Variants in IRF2 observed in about 807,000 individuals in gnomAD.
IRF2 encodes interferon regulatory factor 2.
In IRF2, 15 loss-of-function variants were observed where a neutral mutation model predicts 40.6. The observed-to-expected ratio is 0.37, with a 90% CI of 0.25 to 0.57. IRF2 has a LOEUF of 0.57. Ranked by LOEUF, IRF2 falls within the 20% of genes least tolerant of loss-of-function variation. The pLI, the probability that IRF2 is intolerant of heterozygous loss-of-function variation, is 0.77. For missense variants in IRF2, 317 were observed against 455.7 expected (o/e 0.70, Z 2.77); for synonymous variants, 151 against 165.5 (o/e 0.91, Z 0.67).
chr4:184,428,786 G>A (rs976359220), intron 2 of IRF2, 192 bp downstream of exon 2: 2 of 600,628 alleles, frequency 3.3e-6, no homozygotes, highest in South Asian at 1.7e-5. Flanking sequence ...GCCATATAGT[G>A]AGACCCTGTC....
At chr4:184,397,343 A>G (rs1736504284) in intron 7 of IRF2, among the ~76,000 whole-genome samples, 1 of 152,140 alleles carries the variant, frequency 6.6e-6, no homozygotes, top group Non-Finnish European at 1.5e-5. Context: ...GGGGTGGAGG[A>G]GGGAAAAGAG....
intron 8 of IRF2, among the ~76,000 whole-genome samples, chr4:184,389,784 A>G (rs1164793741): frequency 6.6e-6 from 1 of 152,148 alleles, no homozygotes; most frequent in Non-Finnish European, 1.5e-5. Flanking sequence ...CGGTCCCTCA[A>G]TGCTGGCCCA....
chr4:184,457,372 C>T (rs887545201), intron 1 of IRF2, among the ~76,000 whole-genome samples: 1 of 152,140 alleles, frequency 6.6e-6, no homozygotes, highest in East Asian at 1.9e-4. Context: ...TGACGTCACT[C>T]GGAAGACCTG....
chr4:184,432,689 G>T (rs1737930861), intron 1 of IRF2, among the ~76,000 whole-genome samples: 1 of 152,198 alleles, frequency 6.6e-6, no homozygotes, highest in Non-Finnish European at 1.5e-5. Flanking sequence ...TATAAGAAGA[G>T]GGAAGTGTGG....
intron 2 of IRF2, 148 bp from the exon 3 acceptor site, chr4:184,419,716 C>T: frequency 1.6e-6 from 1 of 614,954 alleles, no homozygotes; most frequent in Admixed American, 2.9e-5. Flanking sequence ...CTACTGTAAA[C>T]CAAACCCACT....
chr4:184,445,704 T>C (rs554032057), intron 1 of IRF2, among the ~76,000 whole-genome samples: 1 of 151,008 alleles, frequency 6.6e-6, no homozygotes, highest in Admixed American at 6.6e-5. Context: ...ATAGAGAACA[T>C]TCTTCTCAAA....
intron 7 of IRF2, 79 bp downstream of exon 7, chr4:184,398,836 G>A: frequency 1.5e-6 from 2 of 1,303,634 alleles, no homozygotes; most frequent in South Asian, 1.5e-5. Flanking sequence ...GCTCCGTGGG[G>A]TGGTGAGATG....
Position 184,388,616 on chromosome 4 carries a change from G to A in IRF2, c.*142C>T, listed in dbSNP as rs547540554. ...AAGAGAAGCTCCAGTACTGGAGTTG[G>A]ACACAGCAATCAATGTTCTATTGTC... On this transcript the variant is annotated 3_prime_UTR_variant, in exon 9 of 9. Transcript: ENST00000393593. The surrounding 1 kb of genome is among the most constrained non-coding windows in gnomAD (Gnocchi z 4.6). 3.6e-6 allele frequency: 3 copies of A among 832,496 alleles called. No individual in the cohort carries two copies. The East Asian group carries it at 7.5e-5, about 21-fold the overall frequency. The allele number at this position is 832,496 out of a possible 1,614,324, so 51.6% of individuals were successfully genotyped here.
chr4:184,466,367 T>C (rs994983494), intron 1 of IRF2, among the ~76,000 whole-genome samples: 5 of 152,132 alleles, frequency 3.3e-5, no homozygotes, highest in Admixed American at 6.5e-5. Flanking sequence ...ATCTGTTCTT[T>C]AGGAAAACAC....
intron 1 of IRF2, among the ~76,000 whole-genome samples, chr4:184,469,782 A>G (rs916509470): frequency 6.6e-6 from 1 of 152,096 alleles, no homozygotes; most frequent in Non-Finnish European, 1.5e-5. Context: ...TTTTTAGGGG[A>G]TCTTTGAAGG....
At chr4:184,417,869 C>G (rs541855904) in intron 5 of IRF2, among the ~76,000 whole-genome samples, 1 of 152,326 alleles carries the variant, frequency 6.6e-6, no homozygotes, top group South Asian at 2.1e-4. Flanking sequence ...TTAGCTGGCA[C>G]AAAATGACCA....
chr4:184,397,971 A>G (rs1016425560), intron 7 of IRF2, among the ~76,000 whole-genome samples: 1 of 152,094 alleles, frequency 6.6e-6, no homozygotes, highest in Non-Finnish European at 1.5e-5. Context: ...GCCTGGGCCA[A>G]CTCCTGTCAT....
chr4:184,438,478 A>C (rs2797505), intron 1 of IRF2, among the ~76,000 whole-genome samples: 7,614 of 152,302 alleles, frequency 0.05, 633 homozygotes, highest in African/African-American at 0.17. Context: ...ATTTAATGTC[A>C]CATTATATTA....
intron 5 of IRF2, among the ~76,000 whole-genome samples, chr4:184,416,721 A>G (rs184828448): frequency 7.5e-5 from 11 of 145,750 alleles, no homozygotes; most frequent in Admixed American, 4.8e-4. Flanking sequence ...CAAATTCCAA[A>G]AAATAGTTCA....
chr4:184,471,239 A>G (rs1561134510), intron 1 of IRF2, among the ~76,000 whole-genome samples: 1 of 152,208 alleles, frequency 6.6e-6, no homozygotes, highest in East Asian at 1.9e-4. Context: ...AACACTTACG[A>G]GATATAGTTA....
intron 5 of IRF2, among the ~76,000 whole-genome samples, chr4:184,412,972 T>C (rs1737130409): frequency 6.6e-6 from 1 of 152,212 alleles, no homozygotes; most frequent in South Asian, 2.1e-4. Flanking sequence ...TTCAGGGCTC[T>C]CTGTCACTTC....
In IRF2 at chr4:184,413,401, AG is replaced by A. The variant is rs746049452; in HGVS notation, c.411+4765del. ...ATAAGCCTGATAACCTGCTTCACCC[AG>A]GGCATCTCTCATCTTATCTGTTTTT... On this transcript the variant is annotated intron_variant, in intron 5 of 8. Coordinates refer to ENST00000393593, the MANE Select transcript of IRF2 (RefSeq NM_002199.4). The surrounding 1 kb of genome is among the most constrained non-coding windows in gnomAD (Gnocchi z 4.2). 1.6e-4 allele frequency among the ~76,000 whole-genome samples: 25 copies of A among 152,224 alleles called. No individual in the cohort carries two copies. The highest frequency in any genetic ancestry group is 2.9e-4 in the Non-Finnish European group (20 of 68,036).
chr4:184,428,393 G>A (rs1001163453), intron 2 of IRF2, among the ~76,000 whole-genome samples: 3 of 152,226 alleles, frequency 2.0e-5, no homozygotes, highest in African/African-American at 7.2e-5. Flanking sequence ...CCTCAAAGAA[G>A]CAAGGAGCTT....
chr4:184,446,472 T>A (rs928044533), intron 1 of IRF2, among the ~76,000 whole-genome samples: 6 of 152,102 alleles, frequency 3.9e-5, no homozygotes, highest in Non-Finnish European at 7.4e-5. Flanking sequence ...GCATCGTCAT[T>A]GTGGTGGGGC....
Sources: gnomAD v4.1 joint callset for allele counts (sites outside exome capture counted in the v4.1 genomes callset) on GRCh38, gnomAD v4.1.1 for gene constraint, Gnocchi (gnomAD v3.1) non-coding constraint, MANE v1.5 for transcripts, NCBI Gene and HGNC (gene_info 2026-07-23, HGNC 2026-07-21) for gene names.